Variants in PDE11A observed in about 807,000 individuals in gnomAD.
PDE11A encodes the protein dual 3',5'-cyclic-AMP and -GMP phosphodiesterase 11A.
In PDE11A, 100 loss-of-function variants were observed where a neutral mutation model predicts 100.5. The observed-to-expected ratio is 1.00, with a 90% CI of 0.85 to 1.18. PDE11A has a LOEUF of 1.18. PDE11A is among the 50% of genes most tolerant of loss of function. The pLI is 0.00. For synonymous variants in PDE11A, 381 were observed against 420.8 expected, an observed-to-expected ratio of 0.91 and a Z score of 1.16; for missense variants, 1,141 against 1,152.6, an observed-to-expected ratio of 0.99 and a Z score of 0.15.
chr2:177,889,516 T>G lies in PDE11A; in HGVS notation c.1302+8542A>C, dbSNP rs528930925. On this transcript the variant is annotated intron_variant, in intron 4 of 19. Transcript: ENST00000286063. Reference sequence around the variant, plus strand: ...TTTTCCTGTTCCATTTGCCATGTTCTCTTTAGAGTTGCCCAGAATACTTAG... The same window carrying G: ...TTTTCCTGTTCCATTTGCCATGTTCGCTTTAGAGTTGCCCAGAATACTTAG... 1.1e-4 allele frequency among the ~76,000 whole-genome samples: 17 copies of G among 152,260 alleles called. No homozygotes were observed. The Middle Eastern group carries it at 0.01, about 91-fold the overall frequency.
intron 2 of PDE11A, among the ~76,000 whole-genome samples, chr2:178,001,503 G>A (rs1262870363): frequency 1.3e-5 from 2 of 152,176 alleles, no homozygotes; most frequent in East Asian, 1.9e-4. Context: ...CTTGTTAATC[G>A]GCACAATGGA....
chr2:177,921,855 AT>A (rs2085053698), intron 2 of PDE11A: 1 of 152,200 alleles, frequency 6.6e-6, no homozygotes, highest in Non-Finnish European at 1.5e-5. Flanking sequence ...AACCATAAAA[AT>A]TATCCTACTA....
At chr2:178,018,166 T>C in intron 1 of PDE11A, 1 of 306,884 alleles carries the variant, frequency 3.3e-6, no homozygotes. Context: ...CCATTCTGTT[T>C]CCAAGGCTGC....
At chr2:177,925,618 T>G (rs1285822211) in intron 2 of PDE11A, among the ~76,000 whole-genome samples, 1 of 152,222 alleles carries the variant, frequency 6.6e-6, no homozygotes, top group Non-Finnish European at 1.5e-5. Context: ...CATTGTAGAT[T>G]CTGGATATTA....
At chr2:177,983,845 T>C (rs886274713) in intron 2 of PDE11A, among the ~76,000 whole-genome samples, 2 of 152,200 alleles carry the variant, frequency 1.3e-5, no homozygotes, top group Admixed American at 6.5e-5. Flanking sequence ...AATCTGATTG[T>C]TTCAGTCAAC....
At chr2:177,667,502 A>C (rs1005432085) in intron 18 of PDE11A, among the ~76,000 whole-genome samples, 2 of 152,134 alleles carry the variant, frequency 1.3e-5, no homozygotes. Context: ...TGTTGAAAAG[A>C]CATTATCTTG....
At chr2:177,964,172 C>T (rs1345731310) in intron 2 of PDE11A, among the ~76,000 whole-genome samples, 3 of 150,260 alleles carry the variant, frequency 2.0e-5, no homozygotes, top group East Asian at 1.9e-4. Context: ...TTTATTGAGA[C>T]AGGGTCTTGC....
chr2:177,972,208 A>T (rs1173416455), intron 2 of PDE11A, among the ~76,000 whole-genome samples: 3 of 152,246 alleles, frequency 2.0e-5, no homozygotes, highest in Non-Finnish European at 4.4e-5. Context: ...GTAGAAGAGG[A>T]TTACATAAAG....
intron 2 of PDE11A, among the ~76,000 whole-genome samples, chr2:178,083,362 G>T (rs866023773): frequency 1.3e-5 from 2 of 152,160 alleles, no homozygotes; most frequent in Non-Finnish European, 2.9e-5. Context: ...GCCTCTCAAA[G>T]TGCTGGGATC....
intron 2 of PDE11A, among the ~76,000 whole-genome samples, chr2:177,930,106 T>C (rs114778667): frequency 0.011 from 1,693 of 152,322 alleles, 30 homozygotes; most frequent in African/African-American, 0.038. Flanking sequence ...CTTAATTCAA[T>C]TGATCGATTA....
At chr2:178,093,977 C>T (rs1168248561) in intron 2 of PDE11A, among the ~76,000 whole-genome samples, 1 of 152,102 alleles carries the variant, frequency 6.6e-6, no homozygotes, top group Admixed American at 6.5e-5. Context: ...AACCCATAAA[C>T]GCTCAGGTAT....
chr2:177,747,159 A>G (rs1279576735), intron 10 of PDE11A, among the ~76,000 whole-genome samples: 1 of 152,230 alleles, frequency 6.6e-6, no homozygotes, highest in Non-Finnish European at 1.5e-5. Context: ...TCCATATAAC[A>G]GTACTCTGAG....
At chr2:177,691,059 G>T (rs887482386) in intron 15 of PDE11A, among the ~76,000 whole-genome samples, 2 of 152,184 alleles carry the variant, frequency 1.3e-5, no homozygotes, top group Admixed American at 1.3e-4. Flanking sequence ...AAAGAGTAAG[G>T]TGTCTGCATT....
intron 1 of PDE11A, among the ~76,000 whole-genome samples, chr2:178,029,682 A>ACC (rs2086520750): frequency 1.3e-5 from 2 of 152,218 alleles, no homozygotes; most frequent in East Asian, 3.9e-4. Flanking sequence ...GGCAGGAAAT[A>ACC]TATATTGAAG....
At chr2:177,645,684 T>C (rs1436156386) in intron 19 of PDE11A, among the ~76,000 whole-genome samples, 3 of 152,230 alleles carry the variant, frequency 2.0e-5, no homozygotes, top group Non-Finnish European at 1.5e-5. Flanking sequence ...ATCTTGATAC[T>C]CAAAGATAAT....
In PDE11A at chr2:178,021,057, G is replaced by A. The variant is rs567845966; in HGVS notation, c.913-6597C>T. ...GTTCACTGCAACCACCACCTCCCAG[G>A]GTCAAGTAATTTTCCTACCTCAGCT... On this transcript the variant is annotated intron_variant, in intron 1 of 19. Transcript: ENST00000286063. 1.1e-4 allele frequency among the ~76,000 whole-genome samples: 17 copies of A among 150,828 alleles called. No homozygotes were observed. In the South Asian group the frequency reaches 3.0e-3, roughly 26 times the overall value.
In PDE11A at chr2:177,982,561, T is replaced by C. The variant is rs112360264; in HGVS notation, c.1071+31741A>G. On this transcript the variant is annotated intron_variant, in intron 2 of 19. Coordinates refer to ENST00000286063, the MANE Select transcript of PDE11A (RefSeq NM_016953.4). ...ATGTTGATTCATTCAAATGCCTTAATGACCTCCTATGACAGAACCATGTGG... is the reference window on the plus strand; with the variant it reads ...ATGTTGATTCATTCAAATGCCTTAACGACCTCCTATGACAGAACCATGTGG... Among the ~76,000 whole-genome samples, 1,498 of 150,690 alleles carry C rather than the reference T, an allele frequency of 9.9e-3. 37 individuals carry two copies. The highest frequency in any genetic ancestry group is 0.034 in the African/African-American group (1,421 of 41,400).
At chr2:178,053,015 G>A (rs2086848733) in intron 1 of PDE11A, among the ~76,000 whole-genome samples, 1 of 152,142 alleles carries the variant, frequency 6.6e-6, no homozygotes, top group South Asian at 2.1e-4. Context: ...CTCATTTTAT[G>A]AGGCCAGCAT....
chr2:177,924,111 A>T (rs1470108044), intron 2 of PDE11A, among the ~76,000 whole-genome samples: 2 of 152,216 alleles, frequency 1.3e-5, no homozygotes, highest in South Asian at 2.1e-4. Flanking sequence ...TTAAAGAAAC[A>T]TCTGTAGATT....
Sources: allele counts gnomAD v4.1 joint callset (sites outside exome capture counted in the v4.1 genomes callset), GRCh38; gene constraint gnomAD v4.1.1; transcripts MANE v1.5; gene names NCBI Gene and HGNC (gene_info 2026-07-23, HGNC 2026-07-21).